CCDC149: variants seen among roughly 807,000 people sequenced by gnomAD.
CCDC149 encodes coiled-coil domain-containing protein 149.
CCDC149 carries 45 observed loss-of-function variants against 59.9 expected under a neutral mutation model. The observed-to-expected ratio is 0.75, with a 90% CI of 0.59 to 0.96. CCDC149 has a LOEUF of 0.96. Among genes scored for constraint, CCDC149 ranks in the 40% least tolerant of loss-of-function variants. The pLI is 0.00. For missense variants in CCDC149, 584 were observed against 664.7 expected (o/e 0.88, Z 1.33); for synonymous variants, 245 against 260.6 (o/e 0.94, Z 0.58).
At chr4:24,933,361 G>A (rs945552901) in intron 1 of CCDC149, among the ~76,000 whole-genome samples, 2 of 152,102 alleles carry the variant, frequency 1.3e-5, no homozygotes, top group Non-Finnish European at 2.9e-5. Context: ...TTGAACCAAA[G>A]TATTTTCTGG....
At chr4:24,931,754 TACAA>T (rs1394106899) in intron 1 of CCDC149, among the ~76,000 whole-genome samples, 1 of 150,178 alleles carries the variant, frequency 6.7e-6, no homozygotes, top group East Asian at 2.0e-4. Context: ...TTCCTCTGGC[TACAA>T]ACAATGTCTC....
chr4:24,875,316 C>T (rs1408568689), intron 2 of CCDC149, among the ~76,000 whole-genome samples: 1 of 147,252 alleles, frequency 6.8e-6, no homozygotes, highest in Non-Finnish European at 1.5e-5. Context: ...GGCCACAGAG[C>T]GAGAATCCGT....
Position 24,813,527 on chromosome 4 carries a change from T to TATAA in CCDC149, c.1193-4709_1193-4708insTTAT, listed in dbSNP as rs1405803152. ...ATATATATATATATATATATATATA[T>TATAA]AAAACCTAAAAAGGAAATATAATCT... is the stretch of plus-strand genomic sequence containing the variant. On this transcript the variant is annotated intron_variant, in intron 12 of 12. Coordinates refer to ENST00000635206, the MANE Select transcript of CCDC149 (RefSeq NM_001330643.2). Among the ~76,000 whole-genome samples the TATAA allele has an allele frequency of 6.1e-3, 557 of 91,244 alleles. 5 individuals are homozygous for TATAA. The highest frequency in any genetic ancestry group is 0.014 in the Middle Eastern group (2 of 146). The allele number at this position is 91,244 out of a possible 152,430, so 59.9% of individuals were successfully genotyped here. A position where few individuals can be genotyped will look rare whatever the true frequency, so the allele number is the denominator to read the frequency against.
intron 3 of CCDC149, among the ~76,000 whole-genome samples, chr4:24,857,670 T>C (rs1447947824): frequency 1.3e-5 from 2 of 152,218 alleles, no homozygotes; most frequent in Admixed American, 1.3e-4. Flanking sequence ...GATGTGATTA[T>C]TGAAAATTAT....
rs1432272632 is a variant in CCDC149 at position 24,893,628 on chromosome 4, T to TTTTTTTTTTTTTTTTTTTTTTTTTTTTC, written c.64-16932_64-16931insGAAAAAAAAAAAAAAAAAAAAAAAAAAA. On this transcript the variant is annotated intron_variant, in intron 1 of 12. Coordinates refer to ENST00000635206, the MANE Select transcript of CCDC149 (RefSeq NM_001330643.2). ...AAAATACAGACTTTTTTTTTTTTTT[T>TTTTTTTTTTTTTTTTTTTTTTTTTTTTC]TTTTTTGAGATGAAGTCTCACTCTG... 1.5e-5 allele frequency among the ~76,000 whole-genome samples: 2 copies of TTTTTTTTTTTTTTTTTTTTTTTTTTTTC among 136,036 alleles called. 1 individual carries two copies. The highest frequency in any genetic ancestry group is 3.1e-5 in the Non-Finnish European group (2 of 63,724). 89.2% of individuals were successfully genotyped at this position (136,036 alleles called of 152,430 possible). A position where few individuals can be genotyped will look rare whatever the true frequency, so the allele number is the denominator to read the frequency against.
intron 1 of CCDC149, among the ~76,000 whole-genome samples, chr4:24,883,190 CTTG>C (rs2109265017): frequency 8.3e-6 from 1 of 120,136 alleles, no homozygotes; most frequent in South Asian, 2.8e-4. Context: ...AGTTGCAACC[CTTG>C]TTTTCTTTTC....
chr4:24,841,515 A>G (rs922459649), intron 4 of CCDC149, among the ~76,000 whole-genome samples: 3 of 152,230 alleles, frequency 2.0e-5, no homozygotes, highest in Non-Finnish European at 4.4e-5. Flanking sequence ...TGGTTGAAAC[A>G]CTTATTTTTA....
intron 2 of CCDC149, among the ~76,000 whole-genome samples, chr4:24,874,719 C>G (rs1435783658): frequency 6.6e-6 from 1 of 152,166 alleles, no homozygotes; most frequent in Non-Finnish European, 1.5e-5. Flanking sequence ...TAAGTCAACA[C>G]GATTTTAACC....
upstream of CCDC149, among the ~76,000 whole-genome samples, chr4:24,917,161 C>T (rs1464896880): frequency 3.3e-5 from 5 of 152,218 alleles, no homozygotes; most frequent in Non-Finnish European, 7.3e-5. Context: ...TGGCCGGGTT[C>T]CTGACTCAGG....
chr4:24,925,801 A>G (rs1217067001), intron 1 of CCDC149, among the ~76,000 whole-genome samples: 1 of 152,222 alleles, frequency 6.6e-6, no homozygotes, highest in Non-Finnish European at 1.5e-5. Context: ...TTCTGAATTC[A>G]TATTTTCCCA....
chr4:24,962,614 T>C (rs1016966564), intron 1 of CCDC149, among the ~76,000 whole-genome samples: 9 of 152,096 alleles, frequency 5.9e-5, no homozygotes, highest in African/African-American at 1.9e-4. Context: ...ACCATCATTC[T>C]CAGCAAACTA....
intron 3 of CCDC149, among the ~76,000 whole-genome samples, chr4:24,867,478 A>G (rs1468248212): frequency 1.3e-5 from 2 of 152,252 alleles, no homozygotes; most frequent in Non-Finnish European, 2.9e-5. Flanking sequence ...GCATATATGC[A>G]TGGTCTCTGA....
chr4:24,830,801 A>G (rs1716093979), intron 9 of CCDC149: 2 of 152,228 alleles, frequency 1.3e-5, no homozygotes, highest in South Asian at 4.1e-4. Flanking sequence ...TGACAGTGGA[A>G]GATCAGACCT....
At chr4:24,908,124 G>T (rs1202367068) in intron 1 of CCDC149, among the ~76,000 whole-genome samples, 1 of 152,154 alleles carries the variant, frequency 6.6e-6, no homozygotes, top group Non-Finnish European at 1.5e-5. Context: ...CACATTCACA[G>T]GTGTTTGTGT....
intron 10 of CCDC149, 22 bp from the exon 11 acceptor site, chr4:24,821,109 A>G: frequency 8.1e-7 from 1 of 1,227,326 alleles, no homozygotes; most frequent in Non-Finnish European, 1.0e-6. Context: ...AAAAAGAAAA[A>G]AAGGAAATAA....
At chr4:24,956,458 T>TATATTTTATTA (rs1723468837) in intron 1 of CCDC149, among the ~76,000 whole-genome samples, 2 of 152,124 alleles carry the variant, frequency 1.3e-5, no homozygotes, top group Admixed American at 1.3e-4. Flanking sequence ...ACCTAGGTAA[T>TATATTTTATTA]TTCGGGCTAT....
At chr4:24,953,061 T>C (rs920456691) in intron 1 of CCDC149, among the ~76,000 whole-genome samples, 1 of 152,102 alleles carries the variant, frequency 6.6e-6, no homozygotes, top group African/African-American at 2.4e-5. Context: ...GACCCTCCAA[T>C]AAAGTGCTCA....
intron 1 of CCDC149, among the ~76,000 whole-genome samples, chr4:24,889,975 G>C (rs1458183845): frequency 6.6e-6 from 1 of 152,136 alleles, no homozygotes. Flanking sequence ...TTATAGATGA[G>C]GTATTGAGAG....
intron 4 of CCDC149, among the ~76,000 whole-genome samples, chr4:24,841,447 A>G (rs148787187): frequency 1.3e-3 from 204 of 152,372 alleles, no homozygotes; most frequent in African/African-American, 4.7e-3. Flanking sequence ...AAATATGTTA[A>G]CAATCATTTG....
Sources: allele counts gnomAD v4.1 joint callset (sites outside exome capture counted in the v4.1 genomes callset), GRCh38; gene constraint gnomAD v4.1.1; transcripts MANE v1.5; gene names NCBI Gene and HGNC (gene_info 2026-07-23, HGNC 2026-07-21).